Variants in RABGAP1L observed in about 807,000 individuals in gnomAD.
RABGAP1L encodes the protein RAB GTPase activating protein 1 like.
RABGAP1L carries 63 observed loss-of-function variants against 137.7 expected under a neutral mutation model. That is an observed-to-expected ratio of 0.46 (90% confidence interval 0.37 to 0.56). The LOEUF is 0.56. RABGAP1L is among the 20% of genes least tolerant of loss of function. The pLI, the probability that RABGAP1L is intolerant of heterozygous loss-of-function variation, is 0.00. For synonymous variants in RABGAP1L, 431 were observed against 433.7 expected (o/e 0.99, Z 0.08); for missense variants, 1,095 against 1,244.0 (o/e 0.88, Z 1.80).
chr1:174,460,723 C>T (rs1398434443), intron 13 of RABGAP1L, among the ~76,000 whole-genome samples: 1 of 152,108 alleles, frequency 6.6e-6, no homozygotes, highest in East Asian at 1.9e-4. Flanking sequence ...ATCAATTCTA[C>T]ATTAATAAAT....
chr1:174,683,293 A>G (rs1217885701), intron 14 of RABGAP1L, among the ~76,000 whole-genome samples: 1 of 151,968 alleles, frequency 6.6e-6, no homozygotes, highest in East Asian at 1.9e-4. Flanking sequence ...CTTTATTTCA[A>G]AATTTTAAAG....
chr1:174,871,227 G>A (rs916238250), intron 19 of RABGAP1L, among the ~76,000 whole-genome samples: 3 of 151,534 alleles, frequency 2.0e-5, no homozygotes, highest in South Asian at 2.1e-4. Context: ...GCAGTGGCGC[G>A]ATCTCAGCTG....
rs78833728 is a variant in RABGAP1L, at chr1:174,256,738, G to A, written c.986+4148G>A. Among the ~76,000 whole-genome samples the A allele has an allele frequency of 4.6e-3, 699 of 152,294 alleles. 30 individuals carry two copies. In the East Asian group the frequency reaches 0.11, roughly 24 times the overall value. ...GGTGGTCGCAGTGAGCCAAGATCAC[G>A]CCATTGCACTCCAGCCTTGTGACAG... is the stretch of plus-strand genomic sequence containing the variant. On this transcript the variant is annotated intron_variant, in intron 7 of 25. Coordinates refer to ENST00000681986, the MANE Select transcript of RABGAP1L (RefSeq NM_001366446.1).
chr1:174,915,857 AT>A (rs1266477377), intron 19 of RABGAP1L, among the ~76,000 whole-genome samples: 6 of 152,078 alleles, frequency 3.9e-5, no homozygotes, highest in African/African-American at 1.4e-4. Flanking sequence ...ATTTATAAAT[AT>A]TTTTTCCCAA....
At chr1:174,534,035 C>T (rs893773805) in intron 13 of RABGAP1L, among the ~76,000 whole-genome samples, 1 of 151,954 alleles carries the variant, frequency 6.6e-6, no homozygotes, top group Non-Finnish European at 1.5e-5. Flanking sequence ...CAGTAGGCTA[C>T]TAGTAGTTGA....
At chr1:174,799,873 C>T (rs1051323131) in intron 18 of RABGAP1L, 1 of 987,666 alleles carries the variant, frequency 1.0e-6, no homozygotes, top group Admixed American at 6.1e-5. Context: ...GCCCTGGCTT[C>T]CTGGCTACTG....
chr1:174,209,899 G>A (rs906916101), intron 1 of RABGAP1L, among the ~76,000 whole-genome samples: 10 of 152,230 alleles, frequency 6.6e-5, no homozygotes, highest in Admixed American at 2.6e-4. Context: ...ACAGAACAGA[G>A]AGGGAGATTC....
At chr1:174,322,762 A>G (rs1680110591) in intron 11 of RABGAP1L, among the ~76,000 whole-genome samples, 1 of 152,176 alleles carries the variant, frequency 6.6e-6, no homozygotes, top group Non-Finnish European at 1.5e-5. Flanking sequence ...CTCAGCTGAC[A>G]TGAATGGATA....
chr1:174,858,998 G>A (rs552158531), intron 19 of RABGAP1L, among the ~76,000 whole-genome samples: 1 of 152,342 alleles, frequency 6.6e-6, no homozygotes, highest in Non-Finnish European at 1.5e-5. Context: ...AAAAGATAGT[G>A]TGGCGATTCC....
intron 13 of RABGAP1L, among the ~76,000 whole-genome samples, chr1:174,459,728 G>A (rs142744673): frequency 6.6e-6 from 1 of 152,034 alleles, no homozygotes; most frequent in Non-Finnish European, 1.5e-5. Context: ...TGGTTGAATC[G>A]ATGGATGTGA....
chr1:174,189,002 G>A (rs72711487), intron 1 of RABGAP1L, among the ~76,000 whole-genome samples: 44,787 of 151,950 alleles, frequency 0.29, 7,027 homozygotes, highest in African/African-American at 0.37. Context: ...GTCTTAGATA[G>A]CATTTATTTA....
chr1:174,881,985 C>T (rs975144200), intron 19 of RABGAP1L, among the ~76,000 whole-genome samples: 7 of 152,120 alleles, frequency 4.6e-5, no homozygotes, highest in Non-Finnish European at 1.0e-4. Context: ...CCTCAGCCTC[C>T]TGAGTATCTG....
At chr1:174,647,754 ATT>A (rs892423057) in intron 14 of RABGAP1L, among the ~76,000 whole-genome samples, 1 of 151,908 alleles carries the variant, frequency 6.6e-6, no homozygotes, top group African/African-American at 2.4e-5. Flanking sequence ...CTCTTTTTCT[ATT>A]TTTGAAATAG....
At chr1:174,656,084 G>A (rs2148406260) in intron 14 of RABGAP1L, among the ~76,000 whole-genome samples, 1 of 152,284 alleles carries the variant, frequency 6.6e-6, no homozygotes, top group South Asian at 2.1e-4. Flanking sequence ...ATATATGCAT[G>A]TGTGTGTGCA....
chr1:174,366,941 C>CAG (rs1684684703), intron 11 of RABGAP1L, among the ~76,000 whole-genome samples: 1 of 152,070 alleles, frequency 6.6e-6, no homozygotes, highest in Non-Finnish European at 1.5e-5. Flanking sequence ...GTTATTCTTT[C>CAG]AGGGCATTAT....
intron 15 of RABGAP1L, among the ~76,000 whole-genome samples, chr1:174,696,632 G>A (rs908685419): frequency 1.3e-5 from 2 of 152,216 alleles, no homozygotes; most frequent in African/African-American, 2.4e-5. Flanking sequence ...TCTGCCCTGT[G>A]TTGTGTTCTG....
chr1:174,658,943 G>A (rs1009401883), intron 14 of RABGAP1L, among the ~76,000 whole-genome samples: 9 of 152,064 alleles, frequency 5.9e-5, no homozygotes, highest in African/African-American at 2.2e-4. Flanking sequence ...TTTGTTTTAG[G>A]CACCTGTAAA....
chr1:174,486,805 T>A (rs1476888005), intron 13 of RABGAP1L, among the ~76,000 whole-genome samples: 1 of 152,134 alleles, frequency 6.6e-6, no homozygotes, highest in Non-Finnish European at 1.5e-5. Context: ...CAGTGCTGTA[T>A]CCTGTAGGTT....
At chr1:174,357,088 G>C (rs1190247911) in intron 11 of RABGAP1L, among the ~76,000 whole-genome samples, 1 of 152,132 alleles carries the variant, frequency 6.6e-6, no homozygotes, top group Non-Finnish European at 1.5e-5. Flanking sequence ...TCATGAAAGG[G>C]AGTTGAAGTT....
Sources: allele counts gnomAD v4.1 joint callset (sites outside exome capture counted in the v4.1 genomes callset), GRCh38; gene constraint gnomAD v4.1.1; transcripts MANE v1.5; gene names NCBI Gene and HGNC (gene_info 2026-07-23, HGNC 2026-07-21).